KDM4C: variants seen among roughly 807,000 people sequenced by gnomAD.
KDM4C encodes the protein lysine-specific demethylase 4C.
KDM4C carries 81 observed loss-of-function variants against 129.3 expected under a neutral mutation model. The ratio of observed to expected loss-of-function variants is 0.63; its 90% CI spans 0.52 to 0.75. The LOEUF (loss-of-function observed/expected upper bound fraction) is 0.75, where lower values mean the gene tolerates loss of function less well. Among genes scored for constraint, KDM4C ranks in the 30% least tolerant of loss-of-function variants. The pLI, the probability that KDM4C is intolerant of heterozygous loss-of-function variation, is 0.00. For synonymous variants in KDM4C, 573 were observed against 456.1 expected (o/e 1.26, Z -3.26); for missense variants, 1,457 against 1,304.0 (o/e 1.12, Z -1.81).
intron 1 of KDM4C, among the ~76,000 whole-genome samples, chr9:6,786,429 C>G (rs781248095): frequency 1.3e-5 from 2 of 152,094 alleles, no homozygotes; most frequent in African/African-American, 2.4e-5. Context: ...TAGGTGGTCT[C>G]AGAAACATTG....
At chr9:7,058,685 T>C (rs1229565596) in intron 17 of KDM4C, among the ~76,000 whole-genome samples, 2 of 152,170 alleles carry the variant, frequency 1.3e-5, no homozygotes, top group African/African-American at 4.8e-5. Context: ...TTTAAAATGG[T>C]TAATTATATT....
chr9:6,907,923 A>C (rs969810397), intron 8 of KDM4C, among the ~76,000 whole-genome samples: 3 of 152,230 alleles, frequency 2.0e-5, no homozygotes. Context: ...TAACATATTA[A>C]ATTTTCTACT....
intron 5 of KDM4C, among the ~76,000 whole-genome samples, chr9:6,876,144 A>T (rs1054884080): frequency 6.6e-6 from 1 of 152,040 alleles, no homozygotes; most frequent in East Asian, 1.9e-4. Flanking sequence ...TGATGTTAGG[A>T]TTGTTTGAAC....
chr9:6,754,612 C>T (rs1402878638), upstream of KDM4C, among the ~76,000 whole-genome samples: 2 of 152,122 alleles, frequency 1.3e-5, no homozygotes, highest in Non-Finnish European at 2.9e-5. Context: ...CAGTGGCTCA[C>T]TCCTGTATTC....
At chr9:6,881,492 G>A (rs2130785007) in intron 6 of KDM4C, among the ~76,000 whole-genome samples, 1 of 152,220 alleles carries the variant, frequency 6.6e-6, no homozygotes, top group East Asian at 1.9e-4. Flanking sequence ...ATTCTCAACT[G>A]TCTTCTTCTC....
intron 8 of KDM4C, among the ~76,000 whole-genome samples, chr9:6,910,872 A>G (rs1474226362): frequency 6.6e-6 from 1 of 152,226 alleles, no homozygotes; most frequent in Non-Finnish European, 1.5e-5. Context: ...TGATATGCTA[A>G]TTAGCATTAA....
At chr9:7,082,115 C>T (rs1233611100) in intron 17 of KDM4C, among the ~76,000 whole-genome samples, 1 of 152,114 alleles carries the variant, frequency 6.6e-6, no homozygotes, top group Non-Finnish European at 1.5e-5. Context: ...TCTGCCGTGC[C>T]TCCAGGACAA....
chr9:7,048,654 A>C lies in KDM4C; in HGVS notation c.2316-438A>C, dbSNP rs143879202. Among the ~76,000 whole-genome samples the C allele has an allele frequency of 3.6e-3, 547 of 152,222 alleles. 3 individuals are homozygous for C. The highest frequency in any genetic ancestry group is 5.1e-3 in the Non-Finnish European group (348 of 67,984). On this transcript the variant is annotated intron_variant, in intron 16 of 21. Transcript: ENST00000381309. Reference sequence around the variant, plus strand: ...TTTGCTACTTAAACAAGTTTGCTTCATGACATTTGTATTATTTTAAAAGGT... The same window carrying C: ...TTTGCTACTTAAACAAGTTTGCTTCCTGACATTTGTATTATTTTAAAAGGT...
At chr9:6,777,092 A>G (rs760293188) in intron 1 of KDM4C, among the ~76,000 whole-genome samples, 6 of 152,194 alleles carry the variant, frequency 3.9e-5, no homozygotes, top group Non-Finnish European at 8.8e-5. Flanking sequence ...TAAGGAAACA[A>G]CAGATTTTCA....
Position 6,929,471 on chromosome 9 carries a change from C to CTTTTTTTTTTTTTTTT in KDM4C, c.921+36243_921+36258dup, listed in dbSNP as rs59537472. On this transcript the variant is annotated intron_variant, in intron 8 of 21. Coordinates refer to ENST00000381309, the MANE Select transcript of KDM4C (RefSeq NM_015061.6). ...TACACTTTATCCTGTTTGACTTTTT[C>CTTTTTTTTTTTTTTTT]TTTTTTTTTTTTTTTTTTTGGCAAC... 3.9e-5 allele frequency among the ~76,000 whole-genome samples: 5 copies of CTTTTTTTTTTTTTTTT among 127,526 alleles called. 1 individual carries two copies. Among genetic ancestry groups the CTTTTTTTTTTTTTTTT allele is most frequent in the African/African-American group, 5.9e-5 (2 of 34,166 alleles). The allele number at this position is 127,526 out of a possible 152,430, so 83.7% of individuals were successfully genotyped here.
At chr9:6,848,365 T>C (rs1838223679) in intron 4 of KDM4C, among the ~76,000 whole-genome samples, 1 of 152,138 alleles carries the variant, frequency 6.6e-6, no homozygotes. Flanking sequence ...TTGTGAACTG[T>C]AGTCAATTCA....
intron 15 of KDM4C, among the ~76,000 whole-genome samples, chr9:7,019,910 G>A (rs1056097439): frequency 2.6e-5 from 4 of 151,624 alleles, no homozygotes; most frequent in Admixed American, 6.6e-5. Flanking sequence ...GAGGGTGTAC[G>A]CATGGCTGGA....
chr9:7,064,604 C>T (rs1293749630), intron 17 of KDM4C, among the ~76,000 whole-genome samples: 2 of 152,160 alleles, frequency 1.3e-5, no homozygotes, highest in Admixed American at 6.5e-5. Flanking sequence ...GGTCCTGCAA[C>T]GTGCAAGGCT....
intron 12 of KDM4C, among the ~76,000 whole-genome samples, chr9:6,995,706 C>G (rs999255597): frequency 2.0e-5 from 3 of 152,060 alleles, no homozygotes; most frequent in Non-Finnish European, 2.9e-5. Flanking sequence ...GCGTCTCGCA[C>G]TGTCGCCCAG....
chr9:7,164,345 C>T lies in KDM4C; in HGVS notation c.2782-893C>T, dbSNP rs538267681. Among the ~76,000 whole-genome samples, 17 of 122,196 alleles carry T rather than the reference C, an allele frequency of 1.4e-4. No individual in the cohort carries two copies. The East Asian group carries it at 1.8e-3, about 13-fold the overall frequency. The allele number at this position is 122,196 out of a possible 152,430, so 80.2% of individuals were successfully genotyped here. A position where few individuals can be genotyped will look rare whatever the true frequency, so the allele number is the denominator to read the frequency against. ...TACTAACTTCCCTGTCCCCCTGCCA[C>T]GCCTTAAAAAAACAAAAAGCACCTT... On this transcript the variant is annotated intron_variant, in intron 19 of 21. Coordinates refer to ENST00000381309, the MANE Select transcript of KDM4C (RefSeq NM_015061.6).
chr9:6,917,173 C>T (rs948876098), intron 8 of KDM4C, among the ~76,000 whole-genome samples: 1 of 152,084 alleles, frequency 6.6e-6, no homozygotes, highest in African/African-American at 2.4e-5. Context: ...AGGAAAATGG[C>T]TGTTGGGCAG....
At chr9:6,841,994 T>C (rs1023224069) in intron 4 of KDM4C, among the ~76,000 whole-genome samples, 2 of 152,208 alleles carry the variant, frequency 1.3e-5, no homozygotes, top group East Asian at 3.9e-4. Context: ...CTTTGGCCAT[T>C]TGCATATTGA....
chr9:6,876,867 GA>G (rs918340064), intron 5 of KDM4C, among the ~76,000 whole-genome samples: 4 of 151,116 alleles, frequency 2.6e-5, no homozygotes, highest in African/African-American at 7.3e-5. Flanking sequence ...GGTATTACCG[GA>G]AAAAAAAATC....
intron 15 of KDM4C, among the ~76,000 whole-genome samples, chr9:7,027,277 G>C (rs1825964192): frequency 6.6e-6 from 1 of 152,200 alleles, no homozygotes. Context: ...TGTGATCTAA[G>C]CTGTATCTGC....
Sources: allele counts gnomAD v4.1 joint callset (sites outside exome capture counted in the v4.1 genomes callset), GRCh38; gene constraint gnomAD v4.1.1; transcripts MANE v1.5; gene names NCBI Gene and HGNC (gene_info 2026-07-23, HGNC 2026-07-21).